CACNA2D3: variants seen among roughly 807,000 people sequenced by gnomAD.
CACNA2D3 encodes the protein calcium voltage-gated channel auxiliary subunit alpha2delta 3.
A neutral mutation model predicts 160.6 loss-of-function variants in CACNA2D3; 60 were observed. The observed-to-expected ratio is 0.37, with a 90% CI of 0.30 to 0.46. The LOEUF (loss-of-function observed/expected upper bound fraction) is 0.46, where lower values mean the gene tolerates loss of function less well. Among genes scored for constraint, CACNA2D3 ranks in the 20% least tolerant of loss-of-function variants. The pLI is 1.00. For missense variants in CACNA2D3, 1,205 were observed against 1,365.0 expected (o/e 0.88, Z 1.85); for synonymous variants, 558 against 492.9 (o/e 1.13, Z -1.75).
At chr3:54,801,068 C>T (rs1702974018) in intron 13 of CACNA2D3, among the ~76,000 whole-genome samples, 1 of 151,472 alleles carries the variant, frequency 6.6e-6, no homozygotes, top group African/African-American at 2.4e-5. Context: ...CTCACTGTAA[C>T]CTCTGCTTCC....
At chr3:54,938,155 T>G (rs2106975191) in intron 27 of CACNA2D3, among the ~76,000 whole-genome samples, 1 of 152,308 alleles carries the variant, frequency 6.6e-6, no homozygotes, top group South Asian at 2.1e-4. Flanking sequence ...AGAGTTGCAT[T>G]CTCACCACAT....
intron 11 of CACNA2D3, among the ~76,000 whole-genome samples, chr3:54,744,901 A>G (rs1206948713): frequency 6.6e-6 from 1 of 152,230 alleles, no homozygotes; most frequent in Non-Finnish European, 1.5e-5. Context: ...GGGGAGGTGC[A>G]TGCACAGCTC....
intron 27 of CACNA2D3, among the ~76,000 whole-genome samples, chr3:54,915,870 C>T (rs889073475): frequency 2.0e-5 from 3 of 152,134 alleles, no homozygotes; most frequent in Non-Finnish European, 4.4e-5. Flanking sequence ...AAAGACTGCC[C>T]ATAAAGCAGG....
rs1553632089 is a variant in CACNA2D3, at chr3:55,018,303, T to C, written c.2973T>C (p.Cys991=). ...AGGAGACTACAGGGAATATTGCTTG[T>C]GAAGACTGCTCCAAGTAAGCCATCC... ...TIKETTGNIA[C]EDCSKSFVIQ... Residue 991 remains cysteine (C), a synonymous_variant, in exon 35 of 38, where the codon TGT becomes TGC. Transcript: ENST00000474759. 6.2e-7 allele frequency: 1 copy of C among 1,608,144 alleles called. No individual in the cohort carries two copies. The highest frequency in any genetic ancestry group is 8.5e-7 in the Non-Finnish European group (1 of 1,174,964).
chr3:54,753,238 G>T (rs907464178), intron 12 of CACNA2D3, among the ~76,000 whole-genome samples: 3 of 152,168 alleles, frequency 2.0e-5, no homozygotes, highest in Admixed American at 6.6e-5. Flanking sequence ...AGCCTTGGGA[G>T]AATTGCTATG....
At chr3:54,667,526 G>A (rs1404111720) in intron 11 of CACNA2D3, among the ~76,000 whole-genome samples, 1 of 152,028 alleles carries the variant, frequency 6.6e-6, no homozygotes, top group Non-Finnish European at 1.5e-5. Context: ...CTCAAGCCAG[G>A]GTATTGAACC....
intron 27 of CACNA2D3, among the ~76,000 whole-genome samples, chr3:54,916,105 G>A (rs900546319): frequency 6.6e-6 from 1 of 152,148 alleles, no homozygotes; most frequent in Non-Finnish European, 1.5e-5. Context: ...CGAAGCATGC[G>A]TTATTGACCT....
Position 55,054,011 on chromosome 3 carries a change from T to C in CACNA2D3, c.2988-19434T>C, listed in dbSNP as rs1704300039. On this transcript the variant is annotated intron_variant, in intron 35 of 37. Transcript: ENST00000474759. ...TCTTTTATATTGACTATTTTATGATTCCATTTTTTTCCTGCTATTGGCTTA... is the reference window on the plus strand; with the variant it reads ...TCTTTTATATTGACTATTTTATGATCCCATTTTTTTCCTGCTATTGGCTTA... 2.0e-5 allele frequency among the ~76,000 whole-genome samples: 3 copies of C among 151,850 alleles called. No homozygotes were observed. The South Asian group carries it at 6.2e-4, about 32-fold the overall frequency.
intron 27 of CACNA2D3, among the ~76,000 whole-genome samples, chr3:54,909,643 A>ATTTTTTTTTTTT (rs759615370): frequency 8.1e-6 from 1 of 123,856 alleles, no homozygotes; most frequent in African/African-American, 3.0e-5. Context: ...TTTTTTTGTG[A>ATTTTTTTTTTTT]TTTTTTTTTT....
At chr3:54,804,945 A>T (rs1425323093) in intron 13 of CACNA2D3, among the ~76,000 whole-genome samples, 5 of 152,250 alleles carry the variant, frequency 3.3e-5, no homozygotes, top group Non-Finnish European at 5.9e-5. Flanking sequence ...CTGCTCCTGA[A>T]TGACTACTGG....
intron 12 of CACNA2D3, among the ~76,000 whole-genome samples, chr3:54,754,422 G>T (rs1232281019): frequency 6.6e-6 from 1 of 152,168 alleles, no homozygotes; most frequent in African/African-American, 2.4e-5. Context: ...TTGTGGGCAT[G>T]ACATGATGCC....
intron 25 of CACNA2D3, among the ~76,000 whole-genome samples, chr3:54,896,093 AGT>A (rs974728280): frequency 1.3e-5 from 2 of 152,122 alleles, no homozygotes; most frequent in African/African-American, 4.8e-5. Flanking sequence ...TTTGAAAATG[AGT>A]GTGATTTTGA....
At chr3:54,993,922 TTTG>T (rs1444921576) in intron 31 of CACNA2D3, among the ~76,000 whole-genome samples, 4 of 120,080 alleles carry the variant, frequency 3.3e-5, no homozygotes. Flanking sequence ...GTGTGTGTGT[TTTG>T]TGTGTGTGTG....
intron 25 of CACNA2D3, among the ~76,000 whole-genome samples, chr3:54,892,599 C>CT (rs1700094670): frequency 6.6e-6 from 1 of 152,086 alleles, no homozygotes; most frequent in African/African-American, 2.4e-5. Flanking sequence ...TTTTTAACGA[C>CT]TTTTTTAAGC....
rs184791469 is a variant in CACNA2D3, at chr3:54,991,345, C to T, written c.2690+3592C>T. 1.5e-3 allele frequency among the ~76,000 whole-genome samples: 227 copies of T among 151,938 alleles called. 3 individuals carry two copies. In the East Asian group the frequency reaches 0.033, roughly 22 times the overall value. On this transcript the variant is annotated intron_variant, in intron 31 of 37. Transcript: ENST00000474759. Reference sequence around the variant, plus strand: ...TCAAGCGATTCTTCTGCCTCATCCTCCCGAGTAGCTGGGACTACAGGTGCA... The same window carrying T: ...TCAAGCGATTCTTCTGCCTCATCCTTCCGAGTAGCTGGGACTACAGGTGCA...
At chr3:54,364,727 A>G (rs6414574) in intron 3 of CACNA2D3, among the ~76,000 whole-genome samples, 4,613 of 152,314 alleles carry the variant, frequency 0.03, 245 homozygotes, top group African/African-American at 0.11. Context: ...TTATTACAAT[A>G]TAGACCATAA....
intron 21 of CACNA2D3, among the ~76,000 whole-genome samples, chr3:54,881,474 A>G (rs1699795001): frequency 6.6e-6 from 1 of 152,204 alleles, no homozygotes; most frequent in Admixed American, 6.5e-5. Flanking sequence ...ACTCTCAGTA[A>G]ACAGGAGCAG....
intron 2 of CACNA2D3, among the ~76,000 whole-genome samples, chr3:54,192,789 A>G (rs1701007320): frequency 6.6e-6 from 1 of 152,216 alleles, no homozygotes; most frequent in Non-Finnish European, 1.5e-5. Context: ...ACCAGGGGTT[A>G]CTAATGGCAC....
At chr3:54,462,759 C>A in intron 4 of CACNA2D3, among the ~76,000 whole-genome samples, 1 of 152,126 alleles carries the variant, frequency 6.6e-6, no homozygotes. Flanking sequence ...TTAATTGGAG[C>A]ATTTAGTCCA....
Sources: allele counts gnomAD v4.1 joint callset (sites outside exome capture counted in the v4.1 genomes callset), GRCh38; gene constraint gnomAD v4.1.1; transcripts MANE v1.5; gene names NCBI Gene and HGNC (gene_info 2026-07-23, HGNC 2026-07-21).